PMS2: variants seen among roughly 807,000 people sequenced by gnomAD.
PMS2 encodes PMS1 homolog 2, mismatch repair system component.
A neutral mutation model predicts 90.0 loss-of-function variants in PMS2; 69 were observed. That is an observed-to-expected ratio of 0.77 (90% CI 0.63 to 0.94). The LOEUF (loss-of-function observed/expected upper bound fraction) is 0.94, where lower values mean the gene tolerates loss of function less well. Ranked by LOEUF, PMS2 falls within the 40% of genes least tolerant of loss-of-function variation. The pLI is 0.00. For missense variants in PMS2, 966 were observed against 1,040.2 expected, an observed-to-expected ratio of 0.93 and a Z score of 0.98; for synonymous variants, 332 against 375.1, an observed-to-expected ratio of 0.89 and a Z score of 1.33.
chr7:6,007,275 C>T (rs915989275), intron 1 of PMS2, among the ~76,000 whole-genome samples: 7 of 152,042 alleles, frequency 4.6e-5, no homozygotes, highest in African/African-American at 1.7e-4. Flanking sequence ...ACCATCACAC[C>T]CAGCTAATTT....
chr7:5,975,978 C>G lies in PMS2; in HGVS notation c.2445+1610G>C, dbSNP rs1173988474. Among the ~76,000 whole-genome samples the G allele has an allele frequency of 1.4e-5, 2 of 140,824 alleles. 1 individual carries two copies. Among genetic ancestry groups the G allele is most frequent in the East Asian group, 6.7e-4 (2 of 2,976 alleles). The allele number at this position is 140,824 out of a possible 152,430, so 92.4% of individuals were successfully genotyped here. On this transcript the variant is annotated intron_variant, in intron 14 of 14. Transcript: ENST00000265849. ...GTTTTAGGCCAGGTGCGGTGGCTCA[C>G]GCCTGTAATCCCAGCACTTTGGGAG... is the stretch of plus-strand genomic sequence containing the variant.
chr7:5,990,517 A>T (rs1466933017), intron 9 of PMS2, among the ~76,000 whole-genome samples: 1 of 152,198 alleles, frequency 6.6e-6, no homozygotes, highest in Admixed American at 6.6e-5. Context: ...AAGCAAATAA[A>T]CACATAAAAA....
intron 12 of PMS2, 58 bp downstream of exon 12, chr7:5,982,766 C>T (rs2128701584): frequency 6.2e-7 from 1 of 1,610,588 alleles, no homozygotes; most frequent in South Asian, 1.1e-5. Context: ...CCTGCCTTGG[C>T]CTCTATTAGA....
At chr7:6,004,583 C>T (rs1368713132) in intron 2 of PMS2, among the ~76,000 whole-genome samples, 9 of 152,040 alleles carry the variant, frequency 5.9e-5, no homozygotes, top group African/African-American at 1.7e-4. Flanking sequence ...GGCTTGGTGG[C>T]GCATGCCTGT....
intron 11 of PMS2, among the ~76,000 whole-genome samples, chr7:5,986,163 TTGGAGTC>T (rs1782836667): frequency 6.9e-6 from 1 of 145,628 alleles, no homozygotes; most frequent in African/African-American, 2.5e-5. Context: ...TTCCATGTGT[TTGGAGTC>T]TGTGTCCTGC....
chr7:5,988,959 C>T (rs1232789919), intron 10 of PMS2, among the ~76,000 whole-genome samples: 2 of 152,062 alleles, frequency 1.3e-5, no homozygotes, highest in African/African-American at 4.8e-5. Context: ...GGGTTCACGC[C>T]ATTCTCCTGA....
At chr7:6,008,907 GT>G in intron 1 of PMS2, 89 bp downstream of exon 1, 2 of 1,499,608 alleles carry the variant, frequency 1.3e-6, no homozygotes, top group East Asian at 2.3e-5. Flanking sequence ...CCTCGGCCAT[GT>G]TCCCCCCATT....
intron 7 of PMS2, among the ~76,000 whole-genome samples, chr7:5,996,883 C>A (rs1217006572): frequency 6.6e-6 from 1 of 152,016 alleles, no homozygotes; most frequent in Non-Finnish European, 1.5e-5. Flanking sequence ...TCTTTCTTAG[C>A]CACAGCATTG....
intron 10 of PMS2, among the ~76,000 whole-genome samples, chr7:5,989,381 T>C (rs12702459): frequency 0.71 from 107,311 of 151,884 alleles, 38,288 homozygotes; most frequent in East Asian, 0.82. Context: ...TGCAGTGAGC[T>C]GAGATCGCAT....
At chr7:6,003,537 T>G (rs2128824462) in intron 4 of PMS2, 153 bp downstream of exon 4, 1 of 634,688 alleles carries the variant, frequency 1.6e-6, no homozygotes, top group East Asian at 2.7e-5. Context: ...ATTTCAGAAG[T>G]ACTATGACTT....
At chr7:5,995,071 T>G (rs1784229006) in intron 8 of PMS2, among the ~76,000 whole-genome samples, 1 of 152,094 alleles carries the variant, frequency 6.6e-6, no homozygotes, top group Non-Finnish European at 1.5e-5. Context: ...ACAGTCTCGC[T>G]CTGTCACCCA....
intron 9 of PMS2, among the ~76,000 whole-genome samples, chr7:5,990,297 C>T (rs1190563955): frequency 2.0e-5 from 3 of 152,186 alleles, no homozygotes; most frequent in East Asian, 1.9e-4. Flanking sequence ...CGTGAGCCAC[C>T]GCGCCCAGCC....
rs1064795266 is a variant in PMS2, at chr7:5,992,071, A to G, written c.904-14T>C. ...GAGTCTGCAGACCTGCACAAAATAC[A>G]AGGAGTAGAAAAGAATAAATGACAA... On this transcript the variant is annotated splice_polypyrimidine_tract_variant and intron_variant, in intron 8 of 14. Coordinates refer to ENST00000265849, the MANE Select transcript of PMS2 (RefSeq NM_000535.7). The G allele has an allele frequency of 2.2e-6, 3 of 1,385,718 alleles. No homozygotes were observed. The highest frequency in any genetic ancestry group is 3.1e-6 in the Non-Finnish European group (3 of 972,030). The allele number at this position is 1,385,718 out of a possible 1,614,324, so 85.8% of individuals were successfully genotyped here.
intron 8 of PMS2, among the ~76,000 whole-genome samples, chr7:5,993,777 C>T (rs1358169927): frequency 2.2e-5 from 3 of 135,960 alleles, no homozygotes; most frequent in East Asian, 2.4e-4. Context: ...AGGAGAATGG[C>T]GTGAACCTGG....
chr7:5,998,672 C>A (rs1276194281), intron 6 of PMS2, among the ~76,000 whole-genome samples: 2 of 139,502 alleles, frequency 1.4e-5, no homozygotes, highest in Admixed American at 7.4e-5. Context: ...CCAACCTGGG[C>A]AACAGAGCAA....
Position 5,986,765 on chromosome 7 carries a change from T to G in PMS2, c.2000A>C (p.Glu667Ala), listed in dbSNP as rs1404270894. 1 of 1,592,106 alleles carries G rather than the reference T, an allele frequency of 6.3e-7. No homozygotes were observed. Among genetic ancestry groups the G allele is most frequent in the Non-Finnish European group, 8.5e-7 (1 of 1,173,298 alleles). Residue 667 changes from glutamate to alanine, a missense_variant, in exon 11 of 15, where the codon GAG becomes GCG. Glu to Ala is a moderately radical substitution (Grantham distance 107). Transcript: ENST00000265849. The part of the protein sequence containing the change: ...NQAAEDELRK[E>A]ISKTMFAEME... ...TAAAAAATTAAAACTTTACCTTATCTCTTTTCTTAGTTCATCTTCGGCTGC... is the reference window on the plus strand; with the variant it reads ...TAAAAAATTAAAACTTTACCTTATCGCTTTTCTTAGTTCATCTTCGGCTGC...
chr7:5,991,756 T>G (rs1343125563), intron 9 of PMS2, among the ~76,000 whole-genome samples: 1 of 151,888 alleles, frequency 6.6e-6, no homozygotes, highest in East Asian at 1.9e-4. Context: ...GGAGAATCGC[T>G]TGAACCCGGG....
At chr7:5,999,384 A>G (rs1784848607) in intron 5 of PMS2, 109 bp from the exon 6 acceptor site, 4 of 951,960 alleles carry the variant, frequency 4.2e-6, no homozygotes, top group East Asian at 2.5e-5. Flanking sequence ...CGCACAAATC[A>G]AGGGAAGCAC....
chr7:5,988,992 A>G (rs903953383), intron 10 of PMS2, among the ~76,000 whole-genome samples: 4 of 151,782 alleles, frequency 2.6e-5, no homozygotes, highest in Non-Finnish European at 5.9e-5. Flanking sequence ...AGTAGCTGGG[A>G]CTACAGGCGC....
Sources: allele counts gnomAD v4.1 joint callset (sites outside exome capture counted in the v4.1 genomes callset), GRCh38; gene constraint gnomAD v4.1.1; transcripts MANE v1.5; gene names NCBI Gene and HGNC (gene_info 2026-07-23, HGNC 2026-07-21).